CD8B2: variants seen among roughly 807,000 people sequenced by gnomAD.
CD8B2 encodes T-cell surface glycoprotein CD8 beta-2 chain.
CD8B2 carries 11 observed loss-of-function variants against 23.7 expected under a neutral mutation model. The ratio of observed to expected loss-of-function variants is 0.46; its 90% confidence interval spans 0.29 to 0.77. The LOEUF is 0.77. Ranked by LOEUF, CD8B2 falls within the 30% of genes least tolerant of loss-of-function variation. CD8B2 has a pLI of 0.09. For synonymous variants in CD8B2, 90 were observed against 109.3 expected, an observed-to-expected ratio of 0.82 and a Z score of 1.10; for missense variants, 197 against 270.5, an observed-to-expected ratio of 0.73 and a Z score of 1.91.
intron 5 of CD8B2, among the ~76,000 whole-genome samples, chr2:106,517,044 A>C (rs1679740157): frequency 6.7e-6 from 1 of 149,234 alleles, no homozygotes; most frequent in Non-Finnish European, 1.5e-5. Context: ...TACATGAAAT[A>C]AATATTTCAT....
intron 5 of CD8B2, among the ~76,000 whole-genome samples, chr2:106,522,505 G>C (rs1679843004): frequency 6.6e-6 from 1 of 152,164 alleles, no homozygotes; most frequent in Non-Finnish European, 1.5e-5. Context: ...GTACTGGAGT[G>C]AAAATGCACC....
intron 5 of CD8B2, among the ~76,000 whole-genome samples, chr2:106,523,789 C>T (rs1679864404): frequency 6.6e-6 from 1 of 152,070 alleles, no homozygotes; most frequent in South Asian, 2.1e-4. Context: ...ATTTATATAG[C>T]ACAGGAAGAG....
At chr2:106,535,937 A>C (rs1680080934) in intron 5 of CD8B2, among the ~76,000 whole-genome samples, 1 of 152,004 alleles carries the variant, frequency 6.6e-6, no homozygotes, top group African/African-American at 2.4e-5. Flanking sequence ...GACCTGAGGA[A>C]GTTTTCAATA....
At chr2:106,527,560 G>A (rs1028402678) in intron 5 of CD8B2, among the ~76,000 whole-genome samples, 4 of 152,206 alleles carry the variant, frequency 2.6e-5, no homozygotes, top group African/African-American at 9.7e-5. Context: ...CGAGGTGGGT[G>A]GATCATGCGG....
At chr2:106,487,720 G>A (rs1432596298) in intron 1 of CD8B2, among the ~76,000 whole-genome samples, 1 of 152,196 alleles carries the variant, frequency 6.6e-6, no homozygotes, top group African/African-American at 2.4e-5. Flanking sequence ...GGACGCAGGA[G>A]AAGGGGAGGC....
At chr2:106,494,446 C>A (rs1323404490) in intron 2 of CD8B2, among the ~76,000 whole-genome samples, 2 of 151,822 alleles carry the variant, frequency 1.3e-5, no homozygotes, top group Non-Finnish European at 2.9e-5. Flanking sequence ...CCGCGCCCAG[C>A]CTTAATATTT....
intron 5 of CD8B2, among the ~76,000 whole-genome samples, chr2:106,543,400 C>G (rs1279779262): frequency 6.6e-6 from 1 of 152,094 alleles, no homozygotes; most frequent in Admixed American, 6.5e-5. Flanking sequence ...CGTGGTGGCA[C>G]CCACCTATGG....
chr2:106,542,685 A>T (rs537016509), intron 5 of CD8B2, among the ~76,000 whole-genome samples: 249 of 148,048 alleles, frequency 1.7e-3, no homozygotes, highest in African/African-American at 5.9e-3. Context: ...TATATATTAT[A>T]TATGAAATAT....
intron 3 of CD8B2, among the ~76,000 whole-genome samples, chr2:106,497,037 G>A (rs1474467693): frequency 6.6e-6 from 1 of 152,234 alleles, no homozygotes; most frequent in Non-Finnish European, 1.5e-5. Flanking sequence ...CACTTTGGGA[G>A]GCCCAGATGG....
chr2:106,536,718 C>A (rs115448172), intron 5 of CD8B2, among the ~76,000 whole-genome samples: 1 of 151,942 alleles, frequency 6.6e-6, no homozygotes, highest in Non-Finnish European at 1.5e-5. Flanking sequence ...GGGTGTGTTA[C>A]GGTAAGGAAA....
At chr2:106,528,109 GA>G (rs1328112479) in intron 5 of CD8B2, among the ~76,000 whole-genome samples, 6 of 152,228 alleles carry the variant, frequency 3.9e-5, no homozygotes, top group African/African-American at 1.4e-4. Flanking sequence ...AAGTGACTGA[GA>G]AGAAAAATCC....
chr2:106,490,014 G>A (rs1321795302), intron 1 of CD8B2, among the ~76,000 whole-genome samples: 1 of 152,012 alleles, frequency 6.6e-6, no homozygotes, highest in Non-Finnish European at 1.5e-5. Flanking sequence ...TGCTTCTGTG[G>A]TGTCTGTCCT....
At chr2:106,521,354 T>C (rs562131805) in intron 5 of CD8B2, among the ~76,000 whole-genome samples, 4 of 152,314 alleles carry the variant, frequency 2.6e-5, no homozygotes, top group Admixed American at 2.6e-4. Flanking sequence ...TCAGGTAGCC[T>C]TTTCCTAATG....
chr2:106,488,174 G>A (rs1359781549), intron 1 of CD8B2, among the ~76,000 whole-genome samples: 1 of 152,028 alleles, frequency 6.6e-6, no homozygotes, highest in Non-Finnish European at 1.5e-5. Context: ...AAAGCCCAAA[G>A]CTGGTCATCT....
chr2:106,497,874 C>G (rs906816081), intron 3 of CD8B2, among the ~76,000 whole-genome samples: 1 of 152,114 alleles, frequency 6.6e-6, no homozygotes, highest in Non-Finnish European at 1.5e-5. Context: ...GATGAGGGCA[C>G]AAGAACTGGT....
intron 1 of CD8B2, among the ~76,000 whole-genome samples, chr2:106,490,297 C>T (rs1460525096): frequency 1.3e-5 from 2 of 152,134 alleles, no homozygotes; most frequent in East Asian, 1.9e-4. Context: ...AGGCCACTTA[C>T]ATACTGTAAG....
At chr2:106,520,719 A>T (rs1482256485) in intron 5 of CD8B2, among the ~76,000 whole-genome samples, 1 of 152,010 alleles carries the variant, frequency 6.6e-6, no homozygotes, top group African/African-American at 2.4e-5. Flanking sequence ...AAATACAAAA[A>T]ATTAGCCGGA....
chr2:106,503,627 T>G (rs1357081161), intron 4 of CD8B2, among the ~76,000 whole-genome samples: 1 of 152,202 alleles, frequency 6.6e-6, no homozygotes, highest in African/African-American at 2.4e-5. Flanking sequence ...TAATATTTTA[T>G]GTATGTTATT....
intron 5 of CD8B2, among the ~76,000 whole-genome samples, chr2:106,526,015 G>A (rs1353610831): frequency 6.6e-6 from 1 of 152,204 alleles, no homozygotes; most frequent in Non-Finnish European, 1.5e-5. Flanking sequence ...GCCAAGGCGG[G>A]AAATTGCCTG....
Sources: gnomAD v4.1 joint callset for allele counts (sites outside exome capture counted in the v4.1 genomes callset) on GRCh38, gnomAD v4.1.1 for gene constraint, MANE v1.5 for transcripts, NCBI Gene and HGNC (gene_info 2026-07-23, HGNC 2026-07-21) for gene names.